The following GSE1 variants were observed in gnomAD, a reference collection of about 807,000 sequenced individuals.
The protein encoded by GSE1 is Gse1 coiled-coil protein.
GSE1 carries 32 observed loss-of-function variants against 112.6 expected under a neutral mutation model. The observed-to-expected ratio is 0.28, with a 90% CI of 0.21 to 0.38. The LOEUF (loss-of-function observed/expected upper bound fraction) is 0.38. Ranked by LOEUF, GSE1 falls within the 10% of genes least tolerant of loss-of-function variation. The pLI is 1.00. For missense variants in GSE1, 2,348 were observed against 1,699.2 expected (o/e 1.38, Z -6.71); for synonymous variants, 1,115 against 735.6 (o/e 1.52, Z -8.35).
At chr16:85,402,245 C>A (rs2048132527) in intron 2 of GSE1, among the ~76,000 whole-genome samples, 1 of 152,072 alleles carries the variant, frequency 6.6e-6, no homozygotes, top group Non-Finnish European at 1.5e-5. Flanking sequence ...GAAGCCAGAG[C>A]GGCCTGTCCA....
intron 2 of GSE1, among the ~76,000 whole-genome samples, chr16:85,415,522 C>T (rs1221208832): frequency 1.3e-5 from 2 of 152,238 alleles, no homozygotes; most frequent in Non-Finnish European, 1.5e-5. Flanking sequence ...GGCTCTGCTC[C>T]CCGAAGGCAA....
rs187301250 is a variant in GSE1 at position 85,418,894 on chromosome 16, G to A, written c.2464+61251G>A. ...GAGCAGAGGTGGGATAGGAGAGAGA[G>A]AGAACCTTAGAACATCTCCAAGTCT... On this transcript the variant is annotated intron_variant, in intron 2 of 2. Transcript: ENST00000637419. Among the ~76,000 whole-genome samples the A allele has an allele frequency of 4.1e-3, 622 of 152,284 alleles. 2 individuals are homozygous for A. Among genetic ancestry groups the A allele is most frequent in the Non-Finnish European group, 6.9e-3 (467 of 68,022 alleles).
At chr16:85,319,724 G>C (rs577785947) in intron 1 of GSE1, among the ~76,000 whole-genome samples, 8 of 152,262 alleles carry the variant, frequency 5.3e-5, no homozygotes, top group Non-Finnish European at 1.0e-4. Context: ...TCTCTTGGGG[G>C]CATTTGCAGA....
chr16:85,344,832 C>A (rs996718285), intron 1 of GSE1, among the ~76,000 whole-genome samples: 1 of 152,198 alleles, frequency 6.6e-6, no homozygotes, highest in Non-Finnish European at 1.5e-5. Context: ...GGGGAGGAGC[C>A]GGTGGTGTAG....
At chr16:85,454,922 G>A (rs2049784171) in intron 2 of GSE1, among the ~76,000 whole-genome samples, 1 of 152,146 alleles carries the variant, frequency 6.6e-6, no homozygotes, top group South Asian at 2.1e-4. Flanking sequence ...CTCCAAATAA[G>A]GTCGCCTGCC....
intron 14 of GSE1, 73 bp downstream of exon 14, chr16:85,668,497 T>A: frequency 3.9e-6 from 4 of 1,020,054 alleles, no homozygotes; most frequent in Non-Finnish European, 5.8e-6. Flanking sequence ...AGTGATGAGT[T>A]CATGCAGACC....
intron 2 of GSE1, among the ~76,000 whole-genome samples, chr16:85,394,138 A>G (rs1304420268): frequency 1.4e-5 from 2 of 147,958 alleles, no homozygotes; most frequent in African/African-American, 2.5e-5. Context: ...GGACCGGGGA[A>G]GGCTCAGCCG....
intron 2 of GSE1, among the ~76,000 whole-genome samples, chr16:85,505,298 C>T (rs901294623): frequency 1.3e-5 from 2 of 152,146 alleles, no homozygotes; most frequent in Non-Finnish European, 2.9e-5. Flanking sequence ...CAGGGACACC[C>T]GAGACCACTT....
chr16:85,642,845 CCCTTT>C (rs941223053), intron 2 of GSE1, among the ~76,000 whole-genome samples: 1 of 152,144 alleles, frequency 6.6e-6, no homozygotes, highest in African/African-American at 2.4e-5. Context: ...CCCTGCCCTC[CCCTTT>C]CCTTCCATGC....
chr16:85,221,992 C>T (rs775403856), intron 1 of GSE1, among the ~76,000 whole-genome samples: 5 of 152,122 alleles, frequency 3.3e-5, no homozygotes, highest in South Asian at 2.1e-4. Flanking sequence ...CAGGGAGGGC[C>T]GGGGAGGCCC....
chr16:85,618,207 G>A (rs542351415), intron 1 of GSE1, among the ~76,000 whole-genome samples: 8 of 151,990 alleles, frequency 5.3e-5, no homozygotes, highest in Non-Finnish European at 8.8e-5. Flanking sequence ...CTGAGGTGGC[G>A]TGAGGGGGGT....
chr16:85,540,689 A>G (rs976778370), intron 2 of GSE1, among the ~76,000 whole-genome samples: 2 of 152,142 alleles, frequency 1.3e-5, no homozygotes, highest in East Asian at 1.9e-4. Context: ...AGGCTGAGGT[A>G]GGATCGCTTG....
intron 1 of GSE1, among the ~76,000 whole-genome samples, chr16:85,600,691 A>G (rs1357603756): frequency 6.6e-6 from 1 of 152,086 alleles, no homozygotes; most frequent in Non-Finnish European, 1.5e-5. Flanking sequence ...CTGGCGTAGC[A>G]TCGCAGATGT....
intron 2 of GSE1, among the ~76,000 whole-genome samples, chr16:85,488,682 C>T (rs540609279): frequency 1.3e-5 from 2 of 151,970 alleles, no homozygotes; most frequent in African/African-American, 4.8e-5. Context: ...ACTTGGGTTT[C>T]GAAGGATGTG....
chr16:85,252,200 C>T (rs949301801), intron 1 of GSE1, among the ~76,000 whole-genome samples: 1 of 152,228 alleles, frequency 6.6e-6, no homozygotes, highest in Non-Finnish European at 1.5e-5. Flanking sequence ...CATGTGGTCA[C>T]CCGGCCTGGC....
At chr16:85,533,334 C>T (rs962544579) in intron 2 of GSE1, among the ~76,000 whole-genome samples, 7 of 151,850 alleles carry the variant, frequency 4.6e-5, no homozygotes, top group African/African-American at 1.5e-4. Flanking sequence ...GCAGGAGAAT[C>T]GCTTGAAACT....
chr16:85,629,954 G>A (rs1204968273), intron 1 of GSE1, among the ~76,000 whole-genome samples: 1 of 152,164 alleles, frequency 6.6e-6, no homozygotes, highest in Non-Finnish European at 1.5e-5. Flanking sequence ...GCCAGGGATT[G>A]GAGGATGGCT....
intron 2 of GSE1, among the ~76,000 whole-genome samples, chr16:85,484,550 G>A (rs1871083888): frequency 6.6e-6 from 1 of 152,250 alleles, no homozygotes; most frequent in South Asian, 2.1e-4. Context: ...CCGCGACACA[G>A]CAGGGGCCAC....
rs776306317 is a variant in GSE1 at position 85,668,267 on chromosome 16, C to T, written c.3258C>T (p.Pro1086=). Residue 1086 remains proline (P), a synonymous_variant, in exon 14 of 16, where the codon CCC becomes CCT. Coordinates refer to ENST00000253458, the MANE Select transcript of GSE1 (RefSeq NM_014615.5). The part of the protein sequence containing the change: ...PPQHNGQQEP[P]TARKGPPTQE... The stretch of plus-strand genomic sequence containing the variant: ...AGCACAATGGGCAGCAGGAGCCCCC[C>T]ACTGCAAGGAAGGGCCCCCCAACCC... 1.9e-6 allele frequency: 3 copies of T among 1,611,734 alleles called. No individual in the cohort carries two copies. The highest frequency in any genetic ancestry group is 2.2e-5 in the East Asian group (1 of 44,874).
Sources: allele counts gnomAD v4.1 joint callset (sites outside exome capture counted in the v4.1 genomes callset), GRCh38; gene constraint gnomAD v4.1.1; transcripts MANE v1.5; gene names NCBI Gene and HGNC (gene_info 2026-07-23, HGNC 2026-07-21).